Variants in CBX5 observed in about 807,000 individuals in gnomAD.
CBX5 encodes the protein chromobox 5, also known as chromobox protein homolog 5.
A neutral mutation model predicts 20.7 loss-of-function variants in CBX5; 7 were observed. The observed-to-expected ratio is 0.34, with a 90% CI of 0.19 to 0.63. The LOEUF is 0.63. CBX5 is among the 30% of genes least tolerant of loss of function. The pLI is 0.75. For synonymous variants in CBX5, 78 were observed against 77.0 expected (o/e 1.01, Z -0.07); for missense variants, 110 against 224.1 (o/e 0.49, Z 3.25).
rs1363790507 is a variant in CBX5 at position 54,237,861 on chromosome 12, A to C, written c.*3894T>G. On this transcript the variant is annotated 3_prime_UTR_variant, in exon 5 of 5. Coordinates refer to ENST00000209875, the MANE Select transcript of CBX5 (RefSeq NM_012117.3). The stretch of plus-strand genomic sequence containing the variant: ...ATTACTGAAAGTGCTCCATGAGAGC[A>C]AACAAATAATGACAATTTTATTTTT... The C allele has an allele frequency of 6.6e-6, 1 of 152,302 alleles. No individual in the cohort carries two copies. The highest frequency in any genetic ancestry group is 2.4e-5 in the African/African-American group (1 of 41,456). The allele number at this position is 152,302 out of a possible 1,614,324, so 9.4% of individuals were successfully genotyped here.
rs1565862620 is a variant in CBX5 at position 54,232,043 on chromosome 12, TG to T, written c.*9711del. 1 of 152,146 alleles carries T rather than the reference TG, an allele frequency of 6.6e-6. No individual in the cohort carries two copies. 9.4% of individuals were successfully genotyped at this position (152,146 alleles called of 1,614,324 possible). A position where few individuals can be genotyped will look rare whatever the true frequency, so the allele number is the denominator to read the frequency against. On this transcript the variant is annotated 3_prime_UTR_variant, in exon 5 of 5. Transcript: ENST00000209875. ...ACAGTCTGAGTCTGCTTCAAACCCA[TG>T]GGGAAAGGAACTTTAATCCCCAACC...
Position 54,252,085 on chromosome 12 carries a change from A to G in CBX5, c.280T>C (p.Phe94Leu). 1 of 1,611,560 alleles carries G rather than the reference A, an allele frequency of 6.2e-7. No individual in the cohort carries two copies. The highest frequency in any genetic ancestry group is 8.5e-7 in the Non-Finnish European group (1 of 1,179,182). Reference sequence around the variant, plus strand: ...TTGATGTCATCGGCACTGTTTGAGAAATTGGATTTCCTCTTGTTACTTTCT... The same window carrying G: ...TTGATGTCATCGGCACTGTTTGAGAGATTGGATTTCCTCTTGTTACTTTCT... ...KSESNKRKSNFSNSADDIKSK... is the reference protein window; with the variant it reads ...KSESNKRKSNLSNSADDIKSK... Residue 94 changes from phenylalanine (F) to leucine (L), a missense_variant, in exon 3 of 5, where the codon TTC (phenylalanine) becomes CTC (leucine). Coordinates refer to ENST00000209875, the MANE Select transcript of CBX5 (RefSeq NM_012117.3).
intron 3 of CBX5, among the ~76,000 whole-genome samples, chr12:54,250,219 G>A (rs1481997232): frequency 1.3e-5 from 2 of 151,402 alleles, no homozygotes; most frequent in African/African-American, 2.4e-5. Flanking sequence ...GTGAAACTCC[G>A]TCTCAAAAAA....
In CBX5 at chr12:54,240,644, C is replaced by T. The variant is rs1943667160; in HGVS notation, c.*1111G>A. On this transcript the variant is annotated 3_prime_UTR_variant, in exon 5 of 5. Transcript: ENST00000209875. ...ATCCAGGAGCCAAGAATGCAGGAGA[C>T]ATAACTGCTATGAACACTTAAAATT... is the stretch of plus-strand genomic sequence containing the variant. 2 of 152,088 alleles carry T rather than the reference C, an allele frequency of 1.3e-5. No individual in the cohort carries two copies. Among genetic ancestry groups the T allele is most frequent in the African/African-American group, 2.4e-5 (1 of 41,404 alleles). 9.4% of individuals were successfully genotyped at this position (152,088 alleles called of 1,614,324 possible). A position where few individuals can be genotyped will look rare whatever the true frequency, so the allele number is the denominator to read the frequency against.
At chr12:54,248,847 A>G (rs1478378480) in intron 3 of CBX5, among the ~76,000 whole-genome samples, 1 of 152,196 alleles carries the variant, frequency 6.6e-6, no homozygotes, top group Admixed American at 6.5e-5. Flanking sequence ...AGAAATAAAC[A>G]CAATCCCCTC....
At chr12:54,274,450 G>A (rs552987659) in intron 1 of CBX5, 1 of 152,264 alleles carries the variant, frequency 6.6e-6, no homozygotes, top group African/African-American at 2.4e-5. Context: ...AAGTCAAGTG[G>A]TATCTCATGT....
rs1943647451 is a variant in CBX5, at chr12:54,238,721, C to T, written c.*3034G>A. 1 of 152,206 alleles carries T rather than the reference C, an allele frequency of 6.6e-6. No individual in the cohort carries two copies. Among genetic ancestry groups the T allele is most frequent in the Non-Finnish European group, 1.5e-5 (1 of 68,048 alleles). 9.4% of individuals were successfully genotyped at this position (152,206 alleles called of 1,614,324 possible). ...TTGATCTTAACTTGAAGGCCATCTG[C>T]CCAGCCCAGCAATCAAAGGGCTGCT... On this transcript the variant is annotated 3_prime_UTR_variant, in exon 5 of 5. Transcript: ENST00000209875.
In CBX5 at chr12:54,254,846, T is replaced by C. The variant is rs532506269; in HGVS notation, c.138-2619A>G. 1.9e-4 allele frequency among the ~76,000 whole-genome samples: 29 copies of C among 151,708 alleles called. No individual in the cohort carries two copies. In the South Asian group the frequency reaches 4.4e-3, roughly 23 times the overall value. ...CCAGCCTGGGCAATAAGAGCAAAAC[T>C]CTTGTCTCAAAAAAAGAAAAGAAGT... is the stretch of plus-strand genomic sequence containing the variant. On this transcript the variant is annotated intron_variant, in intron 2 of 4. Transcript: ENST00000209875.
chr12:54,276,813 GA>G (rs1565876544), intron 1 of CBX5: 1 of 152,182 alleles, frequency 6.6e-6, no homozygotes, highest in Non-Finnish European at 1.5e-5. Flanking sequence ...GTGTGTACAG[GA>G]TTAGTGTAAA....
At chr12:54,277,925 C>A (rs2137035289) in intron 1 of CBX5, among the ~76,000 whole-genome samples, 1 of 152,292 alleles carries the variant, frequency 6.6e-6, no homozygotes, top group South Asian at 2.1e-4. Flanking sequence ...TCTCACACTG[C>A]ACCCTTGACC....
At position 54,239,806 on chromosome 12, in the gene CBX5, C is replaced by G. The variant is rs1482718746; in HGVS notation, c.*1949G>C. The stretch of plus-strand genomic sequence containing the variant: ...GTCATGTCACTGCAGCAACAGCTGT[C>G]ACCTCAATTATGCAGTATAATTTTT... On this transcript the variant is annotated 3_prime_UTR_variant, in exon 5 of 5. Coordinates refer to ENST00000209875, the MANE Select transcript of CBX5 (RefSeq NM_012117.3). 1 of 152,228 alleles carries G rather than the reference C, an allele frequency of 6.6e-6. No homozygotes were observed. Among genetic ancestry groups the G allele is most frequent in the African/African-American group, 2.4e-5 (1 of 41,458 alleles). 9.4% of individuals were successfully genotyped at this position (152,228 alleles called of 1,614,324 possible).
chr12:54,257,924 A>G, intron 1 of CBX5: 1 of 358,442 alleles, frequency 2.8e-6, no homozygotes, highest in South Asian at 5.8e-5. Flanking sequence ...AGAAGGCACA[A>G]CTGTTTAACT....
Position 54,237,622 on chromosome 12 carries a change from A to G in CBX5, c.*4133T>C, listed in dbSNP as rs878989107. The G allele has an allele frequency of 1.3e-5, 2 of 152,846 alleles. No individual in the cohort carries two copies. The highest frequency in any genetic ancestry group is 1.3e-4 in the Admixed American group (2 of 15,272). 9.5% of individuals were successfully genotyped at this position (152,846 alleles called of 1,614,324 possible). On this transcript the variant is annotated 3_prime_UTR_variant, in exon 5 of 5. Coordinates refer to ENST00000209875, the MANE Select transcript of CBX5 (RefSeq NM_012117.3). Reference sequence around the variant, plus strand: ...AATTTAGAAATATAGCATTGTGAGCAAAAAACAGAAGCTTGTTTTGGGGAC... The same window carrying G: ...AATTTAGAAATATAGCATTGTGAGCGAAAAACAGAAGCTTGTTTTGGGGAC...
intron 1 of CBX5, among the ~76,000 whole-genome samples, chr12:54,268,122 C>T (rs912339926): frequency 4.6e-5 from 7 of 152,018 alleles, no homozygotes; most frequent in African/African-American, 1.4e-4. Flanking sequence ...CCAGCCTGGG[C>T]GACAGAGCGA....
At chr12:54,247,996 G>A (rs1243077664) in intron 3 of CBX5, among the ~76,000 whole-genome samples, 2 of 151,810 alleles carry the variant, frequency 1.3e-5, no homozygotes, top group Non-Finnish European at 1.5e-5. Flanking sequence ...GCGTGCCACC[G>A]CACCTGGCTA....
chr12:54,246,292 C>T, intron 3 of CBX5, 77 bp from the exon 4 acceptor site: 9 of 1,100,470 alleles, frequency 8.2e-6, no homozygotes, highest in Admixed American at 2.0e-5. Context: ...CTCAACAAAA[C>T]ATAACCTAAG....
At chr12:54,273,039 G>C (rs367858996) in intron 1 of CBX5, 1 of 152,168 alleles carries the variant, frequency 6.6e-6, no homozygotes, top group Non-Finnish European at 1.5e-5. Flanking sequence ...TTTGGGTAGA[G>C]GTTAGGGAAC....
At position 54,235,781 on chromosome 12, in the gene CBX5, C is replaced by G. The variant is rs1943615242; in HGVS notation, c.*5974G>C. 6.6e-6 allele frequency: 1 copy of G among 152,154 alleles called. No individual in the cohort carries two copies. Among genetic ancestry groups the G allele is most frequent in the Admixed American group, 6.5e-5 (1 of 15,278 alleles). The allele number at this position is 152,154 out of a possible 1,614,324, so 9.4% of individuals were successfully genotyped here. ...AGGCAGTTAAGTCTCATGTTCATTC[C>G]TCCAAAAGGGATGAGAAATTGAAAA... On this transcript the variant is annotated 3_prime_UTR_variant, in exon 5 of 5. Coordinates refer to ENST00000209875, the MANE Select transcript of CBX5 (RefSeq NM_012117.3).
chr12:54,262,689 C>T (rs1200897043), intron 1 of CBX5: 3 of 152,612 alleles, frequency 2.0e-5, no homozygotes, highest in Non-Finnish European at 4.4e-5. Context: ...CAGTGTGACC[C>T]GGAGTATTAG....
Sources: gnomAD v4.1 joint callset for allele counts (sites outside exome capture counted in the v4.1 genomes callset) on GRCh38, gnomAD v4.1.1 for gene constraint, MANE v1.5 for transcripts, NCBI Gene and HGNC (gene_info 2026-07-23, HGNC 2026-07-21) for gene names.